SPINK5: variants seen among roughly 807,000 people sequenced by gnomAD.
SPINK5 encodes serine peptidase inhibitor Kazal type 5.
In SPINK5, 125 loss-of-function variants were observed where a neutral mutation model predicts 151.8. That is an observed-to-expected ratio of 0.82 (90% CI 0.71 to 0.96). SPINK5 has a LOEUF of 0.96. Ranked by LOEUF, SPINK5 falls within the 40% of genes least tolerant of loss-of-function variation. SPINK5 has a pLI of 0.00. For synonymous variants in SPINK5, 374 were observed against 395.3 expected, an observed-to-expected ratio of 0.95 and a Z score of 0.64; for missense variants, 1,194 against 1,291.9, an observed-to-expected ratio of 0.92 and a Z score of 1.16.
At position 148,086,396 on chromosome 5, in the gene SPINK5, C is replaced by A; in HGVS notation, c.283-9C>A. The A allele has an allele frequency of 1.2e-6, 2 of 1,609,660 alleles. No individual in the cohort carries two copies. The highest frequency in any genetic ancestry group is 1.7e-6 in the Non-Finnish European group (2 of 1,178,134). On this transcript the variant is annotated splice_polypyrimidine_tract_variant and intron_variant, in intron 4 of 32. Transcript: ENST00000256084. ...ACATTTTGACGTTCCTTGATCATGT[C>A]TTTTGCAGCTGAATTGTGATGATTT... is the stretch of plus-strand genomic sequence containing the variant.
At chr5:148,101,294 T>G (rs894619668) in intron 13 of SPINK5, 61 bp from the exon 14 acceptor site, 2 of 1,172,596 alleles carry the variant, frequency 1.7e-6, no homozygotes, top group African/African-American at 3.0e-5. Context: ...ATATTTGAGA[T>G]CACTTCTAAT....
intron 3 of SPINK5, among the ~76,000 whole-genome samples, chr5:148,071,846 A>G (rs1040421119): frequency 6.6e-6 from 1 of 152,052 alleles, no homozygotes; most frequent in Non-Finnish European, 1.5e-5. Context: ...CAAAAACTGC[A>G]TTCAAAAAAT....
intron 16 of SPINK5, among the ~76,000 whole-genome samples, chr5:148,106,364 C>CAGGCTGTAGTGT (rs1753783018): frequency 6.6e-6 from 1 of 151,830 alleles, no homozygotes; most frequent in Non-Finnish European, 1.5e-5. Context: ...CTTTGTTGCC[C>CAGGCTGTAGTGT]AGGCTGTAGT....
chr5:148,113,146 G>A (rs932357294), intron 20 of SPINK5, among the ~76,000 whole-genome samples: 2 of 152,140 alleles, frequency 1.3e-5, no homozygotes, highest in Non-Finnish European at 2.9e-5. Context: ...CCACTTGGCT[G>A]TTGTGACTGT....
chr5:148,082,695 G>A lies in SPINK5; in HGVS notation c.283-3710G>A, dbSNP rs1457153376. Among the ~76,000 whole-genome samples the A allele has an allele frequency of 2.5e-4, 4 of 16,134 alleles. 2 individuals are homozygous for A. The highest frequency in any genetic ancestry group is 2.0e-3 in the African/African-American group (4 of 1,954). The allele number at this position is 16,134 out of a possible 152,430, so 10.6% of individuals were successfully genotyped here. A position where few individuals can be genotyped will look rare whatever the true frequency, so the allele number is the denominator to read the frequency against. ...GCAATCTCGGCTCACTGCAGGCTCC[G>A]CCCCCTGGGGTTCACGCCATTCTCC... On this transcript the variant is annotated intron_variant, in intron 4 of 32. Coordinates refer to ENST00000256084, the MANE Select transcript of SPINK5 (RefSeq NM_006846.4).
At chr5:148,094,120 T>G (rs1753389239) in intron 8 of SPINK5, among the ~76,000 whole-genome samples, 1 of 151,684 alleles carries the variant, frequency 6.6e-6, no homozygotes, top group Admixed American at 6.6e-5. Context: ...CATGATGAGA[T>G]CCAGTCTCTA....
In SPINK5 at chr5:148,089,485, G is replaced by A; in HGVS notation, c.475-9G>A. ...TGGTAAGTTTCAAGTTCTTTTCCCT[G>A]TTCTTCAGGATGTATGCAGTGCTTT... On this transcript the variant is annotated splice_polypyrimidine_tract_variant and intron_variant, in intron 6 of 32. Transcript: ENST00000256084. The A allele has an allele frequency of 6.2e-7, 1 of 1,611,532 alleles. No individual in the cohort carries two copies. Among genetic ancestry groups the A allele is most frequent in the Non-Finnish European group, 8.5e-7 (1 of 1,178,358 alleles).
chr5:148,119,728 G>T (rs1754200880), intron 24 of SPINK5, among the ~76,000 whole-genome samples: 1 of 152,150 alleles, frequency 6.6e-6, no homozygotes, highest in Admixed American at 6.5e-5. Context: ...GATTACATGG[G>T]CCCCACTTGG....
chr5:148,125,443 G>T, intron 28 of SPINK5: 1 of 1,294,880 alleles, frequency 7.7e-7, no homozygotes, highest in Non-Finnish European at 1.1e-6. Context: ...GGGGAAAATG[G>T]GGAAAGGAAG....
Position 148,088,591 on chromosome 5 carries a change from A to G in SPINK5, c.460A>G (p.Ser154Gly), listed in dbSNP as rs756283031. 1.9e-6 allele frequency: 3 copies of G among 1,611,600 alleles called. No homozygotes were observed. Among genetic ancestry groups the G allele is most frequent in the Admixed American group, 1.7e-5 (1 of 59,756 alleles). ...AAAAAGTGAAGGGGAATGTAAGAGC[A>G]GTAATCCAGAGCAGGTGAGGTCAAT... The part of the protein sequence containing the change: ...GVKSEGECKS[S>G]NPEQDVCSAF... The change falls in exon 6 of 33, where the codon AGT becomes GGT. Residue 154 changes from serine to glycine, a missense_variant. Physicochemically the swap from Ser to Gly is moderately conservative, Grantham distance 56. Transcript: ENST00000256084.
At position 148,101,839 on chromosome 5, in the gene SPINK5, A is replaced by G; in HGVS notation, c.1361A>G (p.Glu454Gly). Reference sequence around the variant, plus strand: ...AACGGACGGCTTTTTTGCACCAGAGAGAATGACCCCATCCAGGGCCCAGAT... The same window carrying G: ...AACGGACGGCTTTTTTGCACCAGAGGGAATGACCCCATCCAGGGCCCAGAT... Reference protein sequence around the residue: ...RKNGRLFCTRENDPIQGPDGK... With the variant: ...RKNGRLFCTRGNDPIQGPDGK... Residue 454 changes from glutamate to glycine, a missense_variant, in exon 15 of 33, where the codon GAG becomes GGG. Physicochemically the swap from Glu to Gly is moderately conservative, Grantham distance 98. Transcript: ENST00000256084. The G allele has an allele frequency of 6.2e-7, 1 of 1,613,824 alleles. No individual in the cohort carries two copies. Among genetic ancestry groups the G allele is most frequent in the Non-Finnish European group, 8.5e-7 (1 of 1,179,806 alleles).
At chr5:148,114,533 G>T in intron 21 of SPINK5, 44 bp downstream of exon 21, 1 of 1,610,556 alleles carries the variant, frequency 6.2e-7, no homozygotes, top group South Asian at 1.1e-5. Context: ...GGTGGAATTG[G>T]GGAAGCAATG....
At chr5:148,103,801 T>C (rs1753710179) in intron 15 of SPINK5, among the ~76,000 whole-genome samples, 1 of 152,216 alleles carries the variant, frequency 6.6e-6, no homozygotes, top group Non-Finnish European at 1.5e-5. Flanking sequence ...GTCTTTTCAA[T>C]TTTTAAAAAA....
rs146192053 is a variant in SPINK5, at chr5:148,105,953, A to T, written c.1479+953A>T. The stretch of plus-strand genomic sequence containing the variant: ...TATTCTATTTCTTAACAATAGCCAC[A>T]ACAGTACAAACCTCATCATTACTTG... On this transcript the variant is annotated intron_variant, in intron 16 of 32. Transcript: ENST00000256084. 1.0e-3 allele frequency among the ~76,000 whole-genome samples: 153 copies of T among 152,046 alleles called. 1 individual carries two copies. The East Asian group carries it at 0.015, about 15-fold the overall frequency.
At chr5:148,093,543 A>G (rs1753369495) in intron 8 of SPINK5, among the ~76,000 whole-genome samples, 1 of 151,982 alleles carries the variant, frequency 6.6e-6, no homozygotes, top group East Asian at 1.9e-4. Flanking sequence ...TAAAGTAAGC[A>G]TAACACTGTT....
chr5:148,092,680 T>A (rs2113082614), intron 8 of SPINK5, among the ~76,000 whole-genome samples: 1 of 151,996 alleles, frequency 6.6e-6, no homozygotes, highest in African/African-American at 2.4e-5. Context: ...TAAACTGAAA[T>A]TATCATTGTT....
chr5:148,107,956 T>A (rs3777142), intron 17 of SPINK5, among the ~76,000 whole-genome samples: 22,708 of 152,182 alleles, frequency 0.15, 2,302 homozygotes, highest in East Asian at 0.32. Context: ...AAAGTTAATG[T>A]CTCCTAACTT....
chr5:148,066,572 T>C (rs895059313), intron 2 of SPINK5, among the ~76,000 whole-genome samples: 2 of 152,206 alleles, frequency 1.3e-5, no homozygotes, highest in African/African-American at 4.8e-5. Context: ...TTTTATCATG[T>C]TCTCTACTAT....
intron 2 of SPINK5, 195 bp downstream of exon 2, chr5:148,065,567 A>G: frequency 2.7e-6 from 1 of 377,064 alleles, no homozygotes; most frequent in South Asian, 6.2e-5. Context: ...ACACACACAC[A>G]CACACTCAAC....
Sources: gnomAD v4.1 joint callset for allele counts (sites outside exome capture counted in the v4.1 genomes callset) on GRCh38, gnomAD v4.1.1 for gene constraint, MANE v1.5 for transcripts, NCBI Gene and HGNC (gene_info 2026-07-23, HGNC 2026-07-21) for gene names.